PPP1R21: variants seen among roughly 807,000 people sequenced by gnomAD.
The protein encoded by PPP1R21 is protein phosphatase 1 regulatory subunit 21, also known as KLRAQ motif containing 1.
A neutral mutation model predicts 112.8 loss-of-function variants in PPP1R21; 85 were observed. That is an observed-to-expected ratio of 0.75 (90% CI 0.63 to 0.90). The LOEUF (loss-of-function observed/expected upper bound fraction) is 0.90. PPP1R21 is among the 40% of genes least tolerant of loss of function. The pLI is 0.00. For synonymous variants in PPP1R21, 381 were observed against 322.3 expected, an observed-to-expected ratio of 1.18 and a Z score of -1.95; for missense variants, 1,199 against 901.5, an observed-to-expected ratio of 1.33 and a Z score of -4.23.
At chr2:48,509,321 G>A (rs566849319) in intron 19 of PPP1R21, among the ~76,000 whole-genome samples, 15 of 151,798 alleles carry the variant, frequency 9.9e-5, no homozygotes, top group Non-Finnish European at 2.1e-4. Flanking sequence ...GATCCATAGT[G>A]CGTGGTCAGA....
intron 20 of PPP1R21, among the ~76,000 whole-genome samples, chr2:48,510,969 G>C (rs975714368): frequency 6.6e-6 from 1 of 152,140 alleles, no homozygotes; most frequent in African/African-American, 2.4e-5. Flanking sequence ...TTAGGCCTGG[G>C]CCTTAAGCTG....
At chr2:48,507,780 T>G (rs1434866155) in intron 19 of PPP1R21, among the ~76,000 whole-genome samples, 1 of 131,750 alleles carries the variant, frequency 7.6e-6, no homozygotes, top group East Asian at 2.1e-4. Context: ...TTTTTTTTTT[T>G]TTTGAGGTGG....
At chr2:48,442,788 G>C (rs986795252) in intron 1 of PPP1R21, among the ~76,000 whole-genome samples, 3 of 152,178 alleles carry the variant, frequency 2.0e-5, no homozygotes, top group African/African-American at 7.2e-5. Flanking sequence ...TCACATGGCA[G>C]AGAGTGGTGA....
chr2:48,472,239 C>CAAAAA (rs57711610), intron 11 of PPP1R21, among the ~76,000 whole-genome samples: 20 of 43,042 alleles, frequency 4.6e-4, no homozygotes, highest in East Asian at 1.9e-3. Flanking sequence ...GACTCCATCT[C>CAAAAA]AAAAAAAAAA....
chr2:48,480,809 C>T (rs1274977754), intron 13 of PPP1R21, among the ~76,000 whole-genome samples: 2 of 152,068 alleles, frequency 1.3e-5, no homozygotes, highest in Admixed American at 6.6e-5. Flanking sequence ...TTACTAATTG[C>T]ACAGAGAATA....
At chr2:48,456,629 A>G (rs1667736199) in intron 3 of PPP1R21, among the ~76,000 whole-genome samples, 1 of 152,200 alleles carries the variant, frequency 6.6e-6, no homozygotes, top group African/African-American at 2.4e-5. Flanking sequence ...CCATAATTAT[A>G]TGTTAATAGT....
intron 21 of PPP1R21, among the ~76,000 whole-genome samples, chr2:48,512,978 C>G (rs1670708441): frequency 6.6e-6 from 1 of 152,142 alleles, no homozygotes; most frequent in Admixed American, 6.5e-5. Context: ...TGGGTTTTCT[C>G]ATGGTATGTA....
intron 8 of PPP1R21, 39 bp downstream of exon 8, chr2:48,465,028 A>G: frequency 6.7e-7 from 1 of 1,492,336 alleles, no homozygotes; most frequent in Non-Finnish European, 9.0e-7. Context: ...TCAGTTATAT[A>G]TACATCAGAC....
chr2:48,496,954 A>G (rs952254280), intron 16 of PPP1R21, among the ~76,000 whole-genome samples: 2 of 152,238 alleles, frequency 1.3e-5, no homozygotes, highest in Non-Finnish European at 1.5e-5. Flanking sequence ...CCTCTGCTTC[A>G]CTCTAAATCT....
chr2:48,507,192 CTTTT>C (rs368842819), intron 18 of PPP1R21, 73 bp from the exon 19 acceptor site: 276 of 1,138,902 alleles, frequency 2.4e-4, no homozygotes, highest in East Asian at 6.6e-4. Context: ...AAAATGTTGT[CTTTT>C]TTTTTTTTTT....
chr2:48,459,744 C>A lies in PPP1R21; in HGVS notation c.376-10C>A, dbSNP rs1219210804. 6.2e-7 allele frequency: 1 copy of A among 1,607,392 alleles called. No homozygotes were observed. Among genetic ancestry groups the A allele is most frequent in the Non-Finnish European group, 8.5e-7 (1 of 1,177,958 alleles). On this transcript the variant is annotated splice_polypyrimidine_tract_variant and intron_variant, in intron 4 of 21. Coordinates refer to ENST00000294952, the MANE Select transcript of PPP1R21 (RefSeq NM_001135629.3). ...TATTGTGAGAAGAGAAAATGGTCTTCTCTTTTTAGTTTTTTGAAGCTGATG... is the reference window on the plus strand; with the variant it reads ...TATTGTGAGAAGAGAAAATGGTCTTATCTTTTTAGTTTTTTGAAGCTGATG...
chr2:48,464,789 A>T (rs568484148), intron 7 of PPP1R21, 148 bp from the exon 8 acceptor site: 1 of 548,156 alleles, frequency 1.8e-6, no homozygotes, highest in Non-Finnish European at 3.2e-6. Context: ...CACTGATTCT[A>T]TGTAAATTCC....
intron 12 of PPP1R21, among the ~76,000 whole-genome samples, 181 bp downstream of exon 12, chr2:48,475,000 C>T (rs1383725046): frequency 6.6e-6 from 1 of 152,188 alleles, no homozygotes; most frequent in Non-Finnish European, 1.5e-5. Flanking sequence ...CTTGACCTCT[C>T]TGGACTTCTG....
chr2:48,498,420 G>C, intron 16 of PPP1R21, 73 bp from the exon 17 acceptor site: 1 of 1,520,196 alleles, frequency 6.6e-7, no homozygotes, highest in Non-Finnish European at 9.0e-7. Flanking sequence ...TTTACATTCT[G>C]TAAGATAGTT....
Position 48,511,486 on chromosome 2 carries a change from A to T in PPP1R21, c.2313+18A>T. On this transcript the variant is annotated intron_variant, in intron 21 of 21. Coordinates refer to ENST00000294952, the MANE Select transcript of PPP1R21 (RefSeq NM_001135629.3). ...CCAGTAAGGTATGTGAGGTGAGGTG[A>T]GGTAGTCTCTCTGCAATATAATATT... is the stretch of plus-strand genomic sequence containing the variant. 1 of 1,607,640 alleles carries T rather than the reference A, an allele frequency of 6.2e-7. No individual in the cohort carries two copies. Among genetic ancestry groups the T allele is most frequent in the Non-Finnish European group, 8.5e-7 (1 of 1,178,112 alleles).
intron 14 of PPP1R21, among the ~76,000 whole-genome samples, chr2:48,490,205 T>A (rs1572878649): frequency 9.0e-6 from 1 of 110,826 alleles, no homozygotes; most frequent in Admixed American, 1.4e-4. Flanking sequence ...GGCAACAGAG[T>A]GAGACGCCGA....
intron 13 of PPP1R21, among the ~76,000 whole-genome samples, chr2:48,482,168 T>C (rs536058433): frequency 1.3e-5 from 2 of 152,354 alleles, no homozygotes; most frequent in Admixed American, 6.5e-5. Flanking sequence ...TAAAAATATG[T>C]ATCCTACATG....
In PPP1R21 at chr2:48,468,825, A is replaced by ATGTG. The variant is rs757951323; in HGVS notation, c.898-2259_898-2258insGTGT. On this transcript the variant is annotated intron_variant, in intron 9 of 21. Transcript: ENST00000294952. The stretch of plus-strand genomic sequence containing the variant: ...GTGAGACCCTGTCTCAAGAAAAAAA[A>ATGTG]TGTATGTGTGTGTGTGTGTGTGTGT... Among the ~76,000 whole-genome samples, 241 of 43,946 alleles carry ATGTG rather than the reference A, an allele frequency of 5.5e-3. 2 individuals are homozygous for ATGTG. The highest frequency in any genetic ancestry group is 0.015 in the African/African-American group (183 of 11,874). The allele number at this position is 43,946 out of a possible 152,430, so 28.8% of individuals were successfully genotyped here.
chr2:48,479,445 G>C, intron 12 of PPP1R21: 1 of 471,110 alleles, frequency 2.1e-6, no homozygotes, highest in Non-Finnish European at 4.4e-6. Flanking sequence ...ACCGTCTCCA[G>C]AGACTTTAAG....
Sources: gnomAD v4.1 joint callset for allele counts (sites outside exome capture counted in the v4.1 genomes callset) on GRCh38, gnomAD v4.1.1 for gene constraint, MANE v1.5 for transcripts, NCBI Gene and HGNC (gene_info 2026-07-23, HGNC 2026-07-21) for gene names.